The following ABHD4 variants were observed in gnomAD, a reference collection of about 807,000 sequenced individuals.
ABHD4 encodes (Lyso)-N-acylphosphatidylethanolamine lipase.
Under a neutral mutation model 42.3 loss-of-function variants are expected in ABHD4, and 35 were observed. The observed-to-expected ratio is 0.83, with a 90% confidence interval of 0.63 to 1.10. ABHD4 has a LOEUF of 1.10. ABHD4 is among the 50% of genes least tolerant of loss of function. The pLI is 0.00. For missense variants in ABHD4, 389 were observed against 454.8 expected (o/e 0.86, Z 1.32); for synonymous variants, 169 against 170.6 (o/e 0.99, Z 0.07).
chr14:22,608,489 C>G (rs1404653480), intron 5 of ABHD4, among the ~76,000 whole-genome samples: 3 of 152,172 alleles, frequency 2.0e-5, no homozygotes, highest in Non-Finnish European at 4.4e-5. Context: ...ACAGAAACTG[C>G]TGCTCCCCCA....
chr14:22,606,052 T>C (rs1247608804), intron 4 of ABHD4, among the ~76,000 whole-genome samples: 1 of 152,178 alleles, frequency 6.6e-6, no homozygotes, highest in African/African-American at 2.4e-5. Context: ...TAAGGGTGTC[T>C]GGGAGAAGGA....
At chr14:22,601,802 A>G in intron 2 of ABHD4, 47 bp downstream of exon 2, 4 of 1,555,994 alleles carry the variant, frequency 2.6e-6, no homozygotes, top group Non-Finnish European at 3.5e-6. Flanking sequence ...GGAGCCCAAG[A>G]AGGATTCAGG....
At chr14:22,608,885 G>C (rs2037378281) in intron 5 of ABHD4, among the ~76,000 whole-genome samples, 3 of 152,024 alleles carry the variant, frequency 2.0e-5, no homozygotes, top group Admixed American at 2.0e-4. Context: ...ATTTTTAGTA[G>C]AGATGGGTTT....
intron 2 of ABHD4, among the ~76,000 whole-genome samples, chr14:22,602,450 G>A (rs2037296690): frequency 6.6e-6 from 1 of 152,138 alleles, no homozygotes; most frequent in Non-Finnish European, 1.5e-5. Context: ...CCTCTGTCCA[G>A]GATCCAGGCT....
At position 22,603,354 on chromosome 14, in the gene ABHD4, AC is replaced by A. The variant is rs767546092; in HGVS notation, c.113-35del. 22 of 1,612,730 alleles carry A rather than the reference AC, an allele frequency of 1.4e-5. No homozygotes were observed. In the African/African-American group the frequency reaches 2.9e-4, roughly 22 times the overall value. On this transcript the variant is annotated intron_variant, in intron 2 of 6. Transcript: ENST00000428304. ...CAAAATGATGATGCCGTCAGGAAAC[AC>A]TTATTGACTTACCATGGGATTCTTT...
chr14:22,603,850 C>T (rs1406214230), intron 3 of ABHD4, 75 bp from the exon 4 acceptor site: 4 of 1,590,560 alleles, frequency 2.5e-6, no homozygotes, highest in East Asian at 4.5e-5. Context: ...TTCTCTCATT[C>T]CCAGGCGATT....
chr14:22,610,639 G>A (rs2037403629), intron 6 of ABHD4, among the ~76,000 whole-genome samples: 1 of 152,212 alleles, frequency 6.6e-6, no homozygotes, highest in Admixed American at 6.5e-5. Flanking sequence ...GGCTAACACA[G>A]AAGGAAAGAC....
intron 4 of ABHD4, among the ~76,000 whole-genome samples, chr14:22,605,458 T>C (rs187116260): frequency 1.4e-4 from 22 of 152,162 alleles, no homozygotes; most frequent in African/African-American, 4.8e-4. Context: ...AAAAAAGCAT[T>C]TGATTAGAAG....
intron 6 of ABHD4, among the ~76,000 whole-genome samples, chr14:22,610,307 T>G (rs2037398237): frequency 1.3e-5 from 2 of 152,310 alleles, no homozygotes; most frequent in South Asian, 4.1e-4. Context: ...TCCGCCCACC[T>G]TGGCCTCCCA....
At chr14:22,604,112 G>C (rs2037320404) in intron 4 of ABHD4, 33 bp downstream of exon 4, 1 of 1,607,148 alleles carries the variant, frequency 6.2e-7, no homozygotes, top group Non-Finnish European at 8.5e-7. Flanking sequence ...TTAAAGGAAG[G>C]CTATAACGTT....
rs775843498 is a variant in ABHD4 at position 22,609,810 on chromosome 14, A to G, written c.839A>G (p.Asp280Gly). 1 of 1,614,158 alleles carries G rather than the reference A, an allele frequency of 6.2e-7. No individual in the cohort carries two copies. Among genetic ancestry groups the G allele is most frequent in the Non-Finnish European group, 8.5e-7 (1 of 1,180,036 alleles). ...GAGCGAATTCACTTGATTCGAAAAG[A>G]TGTGCCTATCACTATGATCTACGGG... The part of the protein sequence containing the change: ...MLERIHLIRK[D>G]VPITMIYGSD... Residue 280 changes from aspartate (D) to glycine (G), a missense_variant, in exon 6 of 7, where the codon GAT becomes GGT. Coordinates refer to ENST00000428304, the MANE Select transcript of ABHD4 (RefSeq NM_022060.3).
chr14:22,601,799 A>G (rs753377622), intron 2 of ABHD4, 44 bp downstream of exon 2: 27 of 1,564,794 alleles, frequency 1.7e-5, no homozygotes, highest in Non-Finnish European at 2.4e-5. Context: ...CATGGAGCCC[A>G]AGAAGGATTC....
rs2037392423 is a variant in ABHD4 at position 22,609,929 on chromosome 14, G to C, written c.939+19G>C. On this transcript the variant is annotated intron_variant, in intron 6 of 6. Coordinates refer to ENST00000428304, the MANE Select transcript of ABHD4 (RefSeq NM_022060.3). ...AGACATGGTATGTTGCACCACCCAA[G>C]GAGTGGAAATGATGACTGAGAGTCA... 2 of 1,611,058 alleles carry C rather than the reference G, an allele frequency of 1.2e-6. No homozygotes were observed. Among genetic ancestry groups the C allele is most frequent in the Non-Finnish European group, 1.7e-6 (2 of 1,178,304 alleles).
intron 1 of ABHD4, 24 bp downstream of exon 1, chr14:22,598,353 CTCTT>C: frequency 1.3e-6 from 2 of 1,551,440 alleles, no homozygotes; most frequent in South Asian, 2.4e-5. Flanking sequence ...GTCCCTTTCT[CTCTT>C]TCTCTCTCTC....
In ABHD4 at chr14:22,606,536, G is replaced by T. The variant is rs769464613; in HGVS notation, c.752+3G>T. The T allele has an allele frequency of 2.5e-6, 4 of 1,604,184 alleles. No homozygotes were observed. The highest frequency in any genetic ancestry group is 2.2e-5 in the East Asian group (1 of 44,816). ...CACTGCAACGCACAGAATCCCAGGT[G>T]AGGGCCGCTCCCCAGGCCAGCTTGG... On this transcript the variant is annotated splice_donor_region_variant and intron_variant, in intron 5 of 6. Transcript: ENST00000428304.
chr14:22,598,818 C>G, intron 1 of ABHD4: 1 of 220,498 alleles, frequency 4.5e-6, no homozygotes, highest in Middle Eastern at 1.8e-3. Flanking sequence ...TGTGGAACAA[C>G]GGGCTTGCAA....
At chr14:22,606,626 A>G (rs1594892971) in intron 5 of ABHD4, 93 bp downstream of exon 5, 4 of 878,462 alleles carry the variant, frequency 4.6e-6, no homozygotes, top group African/African-American at 1.7e-5. Flanking sequence ...TTCTTCTTCA[A>G]CAAAGCTCTG....
At chr14:22,601,007 A>G (rs775633504) in intron 1 of ABHD4, among the ~76,000 whole-genome samples, 11 of 152,082 alleles carry the variant, frequency 7.2e-5, no homozygotes, top group Non-Finnish European at 1.5e-4. Flanking sequence ...TGAGCTTTCT[A>G]CTCATTTTAC....
At chr14:22,606,278 G>A (rs1220023959) in intron 4 of ABHD4, 144 bp from the exon 5 acceptor site, 1 of 633,034 alleles carries the variant, frequency 1.6e-6, no homozygotes, top group Non-Finnish European at 2.8e-6. Context: ...CACTCTTTCT[G>A]CCGCTGTAGT....
Sources: gnomAD v4.1 joint callset for allele counts (sites outside exome capture counted in the v4.1 genomes callset) on GRCh38, gnomAD v4.1.1 for gene constraint, MANE v1.5 for transcripts, NCBI Gene and HGNC (gene_info 2026-07-23, HGNC 2026-07-21) for gene names.